Variants in UNC13C observed in about 807,000 individuals in gnomAD.
UNC13C encodes unc-13 homolog C, also known as protein unc-13 homolog C.
Under a neutral mutation model 245.4 loss-of-function variants are expected in UNC13C, and 174 were observed. That is an observed-to-expected ratio of 0.71 (90% CI 0.63 to 0.80). UNC13C has a LOEUF of 0.80. Ranked by LOEUF, UNC13C falls within the 30% of genes least tolerant of loss-of-function variation. UNC13C has a pLI of 0.00. For synonymous variants in UNC13C, 992 were observed against 895.1 expected, an observed-to-expected ratio of 1.11 and a Z score of -1.93; for missense variants, 2,829 against 2,602.9, an observed-to-expected ratio of 1.09 and a Z score of -1.89.
chr15:54,068,337 C>G (rs181407241), intron 2 of UNC13C, among the ~76,000 whole-genome samples: 1 of 152,140 alleles, frequency 6.6e-6, no homozygotes, highest in East Asian at 1.9e-4. Context: ...GCTAGAAGAA[C>G]GGCTGCAGCT....
chr15:54,616,232 G>A (rs1900422589), intron 30 of UNC13C, among the ~76,000 whole-genome samples: 1 of 151,932 alleles, frequency 6.6e-6, no homozygotes, highest in African/African-American at 2.4e-5. Context: ...TAAGTTTAAA[G>A]TCCAGAAAGC....
chr15:53,946,169 A>C, the UNC13C span, among the ~76,000 whole-genome samples: 1 of 152,130 alleles, frequency 6.6e-6, no homozygotes. Flanking sequence ...TTATAGAATC[A>C]CGTCTACAAA....
At chr15:54,548,050 C>G (rs1896562119) in intron 27 of UNC13C, among the ~76,000 whole-genome samples, 1 of 152,074 alleles carries the variant, frequency 6.6e-6, no homozygotes, top group African/African-American at 2.4e-5. Flanking sequence ...AGGAGAGTAA[C>G]TGTACATCAT....
At position 54,013,368 on chromosome 15, in the gene UNC13C, G is replaced by A; in HGVS notation, c.465G>A (p.Lys155=). The change falls in exon 2 of 33, where the codon AAG becomes AAA. Residue 155 remains lysine, a synonymous_variant. Transcript: ENST00000260323. Reference sequence around the variant, plus strand: ...CAATGCCAGTTAGACGCAACAGAAAGAGTTCAAGCAGCCTTGCACCCTCTG... The same window carrying A: ...CAATGCCAGTTAGACGCAACAGAAAAAGTTCAAGCAGCCTTGCACCCTCTG... ...THTMPVRRNR[K]SSSSLAPSEG... The A allele has an allele frequency of 6.2e-7, 1 of 1,613,896 alleles. No individual in the cohort carries two copies. Among genetic ancestry groups the A allele is most frequent in the Non-Finnish European group, 8.5e-7 (1 of 1,179,872 alleles).
At chr15:54,297,997 T>C in intron 12 of UNC13C, 71 bp downstream of exon 12, 1 of 1,122,212 alleles carries the variant, frequency 8.9e-7, no homozygotes, top group Non-Finnish European at 1.3e-6. Context: ...AAACAGAATA[T>C]TTGGTTTAAA....
chr15:54,618,862 C>T (rs1469244610), intron 30 of UNC13C, among the ~76,000 whole-genome samples: 3 of 152,032 alleles, frequency 2.0e-5, no homozygotes, highest in Non-Finnish European at 4.4e-5. Flanking sequence ...ATCTGGATAA[C>T]TTACGGAAAA....
At chr15:53,851,952 T>A in the UNC13C span, among the ~76,000 whole-genome samples, 1 of 152,186 alleles carries the variant, frequency 6.6e-6, no homozygotes, top group Non-Finnish European at 1.5e-5. Flanking sequence ...TAATAATACC[T>A]TATAATAAGC....
the UNC13C span, among the ~76,000 whole-genome samples, chr15:53,895,222 G>T: frequency 6.6e-6 from 1 of 151,594 alleles, no homozygotes; most frequent in East Asian, 1.9e-4. Flanking sequence ...AAATTAGCTG[G>T]GTGTGGTCGC....
chr15:54,240,222 C>T (rs971032126), intron 7 of UNC13C, among the ~76,000 whole-genome samples: 4 of 152,044 alleles, frequency 2.6e-5, no homozygotes, highest in Non-Finnish European at 4.4e-5. Context: ...GTCTCAGATT[C>T]GTAAAGCCCA....
intron 17 of UNC13C, among the ~76,000 whole-genome samples, chr15:54,343,335 G>A (rs192141808): frequency 6.6e-4 from 100 of 152,120 alleles, no homozygotes; most frequent in African/African-American, 2.3e-3. Flanking sequence ...GTTTCACCAC[G>A]TTAGCCAGGC....
At chr15:54,170,742 T>C (rs563054329) in intron 4 of UNC13C, among the ~76,000 whole-genome samples, 3 of 152,226 alleles carry the variant, frequency 2.0e-5, no homozygotes, top group Non-Finnish European at 4.4e-5. Flanking sequence ...GCAATGAAGG[T>C]GCCACAGGTG....
chr15:54,118,028 C>T (rs1392307811), intron 2 of UNC13C, among the ~76,000 whole-genome samples: 3 of 151,798 alleles, frequency 2.0e-5, no homozygotes, highest in Non-Finnish European at 4.4e-5. Context: ...ATGCCAATAC[C>T]ATGCTGATTT....
the UNC13C span, among the ~76,000 whole-genome samples, chr15:53,838,574 A>G: frequency 6.6e-6 from 1 of 152,024 alleles, no homozygotes; most frequent in Non-Finnish European, 1.5e-5. Flanking sequence ...GGAAAATTAT[A>G]CTAATTGATT....
chr15:54,248,446 A>G (rs1373217406), intron 7 of UNC13C, among the ~76,000 whole-genome samples: 4 of 152,182 alleles, frequency 2.6e-5, no homozygotes, highest in Non-Finnish European at 5.9e-5. Flanking sequence ...GATACTCACT[A>G]TGCTAGATAT....
chr15:54,411,200 C>A (rs1312800323), intron 18 of UNC13C, among the ~76,000 whole-genome samples: 1 of 151,960 alleles, frequency 6.6e-6, no homozygotes, highest in South Asian at 2.1e-4. Context: ...TGTTTTTTCT[C>A]TATTATTGAG....
At chr15:53,999,162 C>G (rs559540024) in intron 1 of UNC13C, among the ~76,000 whole-genome samples, 1 of 151,810 alleles carries the variant, frequency 6.6e-6, no homozygotes, top group African/African-American at 2.4e-5. Context: ...GAGTTTGTTT[C>G]AAATTAACAC....
intron 26 of UNC13C, among the ~76,000 whole-genome samples, chr15:54,545,085 G>T (rs1021128066): frequency 2.0e-5 from 3 of 152,126 alleles, no homozygotes; most frequent in African/African-American, 4.8e-5. Flanking sequence ...GCATGGTACT[G>T]GTACCAGAAC....
intron 30 of UNC13C, among the ~76,000 whole-genome samples, chr15:54,621,572 T>C (rs1010528025): frequency 3.3e-5 from 5 of 152,154 alleles, no homozygotes; most frequent in African/African-American, 1.2e-4. Flanking sequence ...AACAAATAGC[T>C]AGAGCATGTG....
chr15:54,552,876 T>TTA (rs1491467846), intron 28 of UNC13C, among the ~76,000 whole-genome samples: 3 of 3,008 alleles, frequency 1.0e-3, no homozygotes, highest in African/African-American at 3.6e-3. Context: ...ATAATATATA[T>TTA]TGTATTCTAT....
Sources: allele counts gnomAD v4.1 joint callset (sites outside exome capture counted in the v4.1 genomes callset), GRCh38; gene constraint gnomAD v4.1.1; transcripts MANE v1.5; gene names NCBI Gene and HGNC (gene_info 2026-07-23, HGNC 2026-07-21).